MELK: variants seen among roughly 807,000 people sequenced by gnomAD.
The protein encoded by MELK is pEg3 kinase.
In MELK, 81 loss-of-function variants were observed where a neutral mutation model predicts 85.0. That is an observed-to-expected ratio of 0.95 (90% CI 0.80 to 1.15). The LOEUF is 1.15. Among genes scored for constraint, MELK ranks in the 50% most tolerant of loss-of-function variants. MELK has a pLI of 0.00. For synonymous variants in MELK, 252 were observed against 265.0 expected (o/e 0.95, Z 0.48); for missense variants, 754 against 777.5 (o/e 0.97, Z 0.36).
intron 11 of MELK, among the ~76,000 whole-genome samples, chr9:36,649,935 A>AT (rs1237219743): frequency 0.01 from 1,520 of 151,326 alleles, 12 homozygotes; most frequent in East Asian, 0.02. Flanking sequence ...ATTTAATTTA[A>AT]TTAAATTAAT....
chr9:36,676,372 A>G (rs528133718), intron 17 of MELK, among the ~76,000 whole-genome samples: 316 of 152,326 alleles, frequency 2.1e-3, no homozygotes, highest in African/African-American at 7.1e-3. Flanking sequence ...CTATTTATTG[A>G]AGATTGGTAA....
In MELK at chr9:36,669,309, G is replaced by A. The variant is rs1184699823; in HGVS notation, c.1409-1G>A. 3 of 1,596,658 alleles carry A rather than the reference G, an allele frequency of 1.9e-6. No homozygotes were observed. The highest frequency in any genetic ancestry group is 2.6e-6 in the Non-Finnish European group (3 of 1,168,504). ...GATTGTGTTTGTTCTGTTTCTAATA[G>A]CTAGAAACCAGTGCCTGAAAGAAAC... On this transcript the variant is annotated splice_acceptor_variant, in intron 14 of 17. Transcript: ENST00000298048. LOFTEE classifies it high-confidence loss of function.
At chr9:36,592,275 A>G (rs1823703940) in intron 4 of MELK, among the ~76,000 whole-genome samples, 1 of 151,016 alleles carries the variant, frequency 6.6e-6, no homozygotes, top group African/African-American at 2.4e-5. Flanking sequence ...CCCGGGTTCA[A>G]GTGATTTTCC....
chr9:36,616,133 A>G (rs1042170755), intron 8 of MELK, among the ~76,000 whole-genome samples: 1 of 152,226 alleles, frequency 6.6e-6, no homozygotes, highest in Non-Finnish European at 1.5e-5. Context: ...AAGTAAAAGT[A>G]GACCTGTATA....
intron 8 of MELK, among the ~76,000 whole-genome samples, chr9:36,628,214 C>T (rs1238341920): frequency 1.3e-5 from 2 of 151,948 alleles, no homozygotes; most frequent in African/African-American, 4.8e-5. Context: ...AGCAATGAAG[C>T]CTTGAATTTA....
At chr9:36,609,397 G>A (rs1221522383) in intron 8 of MELK, among the ~76,000 whole-genome samples, 1 of 151,682 alleles carries the variant, frequency 6.6e-6, no homozygotes, top group Non-Finnish European at 1.5e-5. Flanking sequence ...AGCAAACTGA[G>A]GTCAGACTAG....
At chr9:36,612,287 G>C (rs1826136723) in intron 8 of MELK, among the ~76,000 whole-genome samples, 1 of 152,126 alleles carries the variant, frequency 6.6e-6, no homozygotes, top group Non-Finnish European at 1.5e-5. Flanking sequence ...GTAGGGAAGG[G>C]GTTTTGCCAT....
Position 36,674,911 on chromosome 9 carries a change from G to T in MELK, c.1752G>T (p.Lys584Asn). ...LLNEIMSILP[K>N]KHVDFVQKGY... ...ATGAAATAATGTCTATTCTTCCAAA[G>T]AAGCATGTTGACTTTGTACAAAAGG... Residue 584 changes from lysine (K) to asparagine (N), a missense_variant, in exon 17 of 18, where the codon AAG becomes AAT. Lys to Asn is a moderately conservative substitution (Grantham distance 94, BLOSUM62 0). Transcript: ENST00000298048. 1 of 1,595,116 alleles carries T rather than the reference G, an allele frequency of 6.3e-7. No individual in the cohort carries two copies. The highest frequency in any genetic ancestry group is 1.1e-5 in the South Asian group (1 of 90,690).
At chr9:36,616,027 C>G (rs527778761) in intron 8 of MELK, among the ~76,000 whole-genome samples, 2 of 151,916 alleles carry the variant, frequency 1.3e-5, no homozygotes, top group Non-Finnish European at 2.9e-5. Context: ...CCTCGGGCCC[C>G]GCGGGGCCCG....
At chr9:36,582,559 G>A (rs1822367299) in intron 2 of MELK, among the ~76,000 whole-genome samples, 1 of 152,096 alleles carries the variant, frequency 6.6e-6, no homozygotes, top group African/African-American at 2.4e-5. Flanking sequence ...TTTTATTAAG[G>A]TATAACATAT....
At chr9:36,641,628 A>T (rs1279839191) in intron 10 of MELK, among the ~76,000 whole-genome samples, 3 of 119,080 alleles carry the variant, frequency 2.5e-5, no homozygotes, top group Non-Finnish European at 3.4e-5. Flanking sequence ...TTTTTTGGAG[A>T]TGGAGTTTCA....
chr9:36,652,790 A>G (rs1830842108), intron 12 of MELK, among the ~76,000 whole-genome samples: 1 of 151,408 alleles, frequency 6.6e-6, no homozygotes, highest in South Asian at 2.1e-4. Context: ...GGAAAATAGA[A>G]TTTACCTATA....
chr9:36,594,853 G>C (rs1824017777), intron 5 of MELK, 82 bp downstream of exon 5: 1 of 1,460,280 alleles, frequency 6.8e-7, no homozygotes, highest in Admixed American at 2.2e-5. Flanking sequence ...ATCTGATTAG[G>C]AATCTATCTT....
At chr9:36,621,317 A>C (rs1055737918) in intron 8 of MELK, among the ~76,000 whole-genome samples, 2 of 134,064 alleles carry the variant, frequency 1.5e-5, no homozygotes, top group Middle Eastern at 3.4e-3. Flanking sequence ...AAAAAAAAAA[A>C]CTTGAGTAGA....
intron 15 of MELK, among the ~76,000 whole-genome samples, 193 bp downstream of exon 15, chr9:36,669,599 A>G (rs1439576518): frequency 6.6e-6 from 1 of 152,168 alleles, no homozygotes; most frequent in Non-Finnish European, 1.5e-5. Context: ...GGGTAGAATC[A>G]TGAAACTGAT....
chr9:36,582,730 C>G (rs1482211235), intron 2 of MELK, among the ~76,000 whole-genome samples: 1 of 151,998 alleles, frequency 6.6e-6, no homozygotes, highest in African/African-American at 2.4e-5. Context: ...GAGGACAGAG[C>G]TAATGGGATT....
intron 9 of MELK, 27 bp downstream of exon 9, chr9:36,630,394 G>A (rs770112727): frequency 6.5e-7 from 1 of 1,542,502 alleles, no homozygotes; most frequent in Non-Finnish European, 8.9e-7. Context: ...AATAATAGAA[G>A]TCTATTGTAA....
intron 3 of MELK, among the ~76,000 whole-genome samples, chr9:36,584,719 C>CTTTT (rs869168768): frequency 2.3e-5 from 3 of 129,758 alleles, no homozygotes; most frequent in Non-Finnish European, 3.3e-5. Context: ...TATGTCCTAG[C>CTTTT]TTTTTTTTTT....
rs1826355801 is a variant in MELK at position 36,614,430 on chromosome 9, T to TTTTG, written c.666+6760_666+6761insGTTT. ...TTTTAAAAAATTATTTTTGGGTTTT[T>TTTTG]TTTTTTTTTTTTTAATTTATTTTTT... On this transcript the variant is annotated intron_variant, in intron 8 of 17. Coordinates refer to ENST00000298048, the MANE Select transcript of MELK (RefSeq NM_014791.4). 2.8e-5 allele frequency among the ~76,000 whole-genome samples: 4 copies of TTTTG among 143,928 alleles called. No homozygotes were observed. In the South Asian group the frequency reaches 6.5e-4, roughly 23 times the overall value. 94.4% of individuals were successfully genotyped at this position (143,928 alleles called of 152,430 possible).
Sources: allele counts gnomAD v4.1 joint callset (sites outside exome capture counted in the v4.1 genomes callset), GRCh38; gene constraint gnomAD v4.1.1; transcripts MANE v1.5; gene names NCBI Gene and HGNC (gene_info 2026-07-23, HGNC 2026-07-21).